The following FRAS1 variants were observed in gnomAD, a reference collection of about 807,000 sequenced individuals.
FRAS1 encodes Fraser extracellular matrix complex subunit 1, also known as extracellular matrix organizing protein FRAS1.
Under a neutral mutation model 435.2 loss-of-function variants are expected in FRAS1, and 290 were observed. The ratio of observed to expected loss-of-function variants is 0.67; its 90% CI spans 0.61 to 0.73. The LOEUF is 0.73. FRAS1 is among the 30% of genes least tolerant of loss of function. The probability of loss-of-function intolerance (pLI) is 0.00; values close to 1 mark genes in which losing one functional copy is unlikely to be tolerated. For missense variants in FRAS1, 4,860 were observed against 5,001.5 expected, an observed-to-expected ratio of 0.97 and a Z score of 0.85; for synonymous variants, 1,800 against 1,851.0, an observed-to-expected ratio of 0.97 and a Z score of 0.71.
rs1412726455 is a variant in FRAS1 at position 78,267,249 on chromosome 4, C to G, written c.798C>G (p.Ser266Arg). 3.7e-6 allele frequency: 6 copies of G among 1,613,438 alleles called. No homozygotes were observed. Among genetic ancestry groups the G allele is most frequent in the Non-Finnish European group, 5.1e-6 (6 of 1,179,692 alleles). ...TCCTCTCTGTGTCCTAGGGTCAGAG[C>G]AGGGCTCGGCGTCATGGGCAATGCT... The part of the protein sequence containing the change: ...CLPLRCGKGQ[S>R]RARRHGQCCE... Residue 266 changes from serine (S) to arginine (R), a missense_variant, in exon 9 of 74, where the codon AGC becomes AGG. Coordinates refer to ENST00000512123, the MANE Select transcript of FRAS1 (RefSeq NM_025074.7).
chr4:78,202,648 G>A (rs557728371), intron 2 of FRAS1, among the ~76,000 whole-genome samples: 80 of 152,266 alleles, frequency 5.3e-4, no homozygotes, highest in African/African-American at 1.8e-3. Flanking sequence ...CCAAGATGGT[G>A]CCACTGTACT....
intron 2 of FRAS1, among the ~76,000 whole-genome samples, chr4:78,171,699 T>C (rs1400127448): frequency 6.6e-6 from 1 of 152,166 alleles, no homozygotes; most frequent in South Asian, 2.1e-4. Flanking sequence ...CTGGAAAAAA[T>C]AAAATTAGCA....
intron 2 of FRAS1, among the ~76,000 whole-genome samples, chr4:78,219,676 G>C (rs936854977): frequency 6.6e-6 from 1 of 152,172 alleles, no homozygotes; most frequent in African/African-American, 2.4e-5. Context: ...AGAAGGTTGA[G>C]TTTTCTCCAG....
Position 78,369,995 on chromosome 4 carries a change from TC to T in FRAS1, c.2869+13del, listed in dbSNP as rs1421610592. The T allele has an allele frequency of 6.2e-7, 1 of 1,610,586 alleles. No individual in the cohort carries two copies. Among genetic ancestry groups the T allele is most frequent in the Non-Finnish European group, 8.5e-7 (1 of 1,178,114 alleles). On this transcript the variant is annotated intron_variant, in intron 23 of 73. Coordinates refer to ENST00000512123, the MANE Select transcript of FRAS1 (RefSeq NM_025074.7). ...CCAACACGTGCAAAGGTAAAGCTCTTCCTGAATTGTGTAAAGATTCTTTTAC... is the reference window on the plus strand; with the variant it reads ...CCAACACGTGCAAAGGTAAAGCTCTTCTGAATTGTGTAAAGATTCTTTTAC...
At chr4:78,227,919 C>G (rs1724343411) in intron 2 of FRAS1, among the ~76,000 whole-genome samples, 1 of 152,240 alleles carries the variant, frequency 6.6e-6, no homozygotes, top group South Asian at 2.1e-4. Context: ...AGAATATATG[C>G]CCATCTATCC....
intron 2 of FRAS1, among the ~76,000 whole-genome samples, chr4:78,126,411 C>G (rs980681320): frequency 6.6e-6 from 1 of 152,242 alleles, no homozygotes; most frequent in African/African-American, 2.4e-5. Flanking sequence ...GCTGCACCCA[C>G]TGTCCAACTA....
intron 2 of FRAS1, among the ~76,000 whole-genome samples, chr4:78,078,567 GA>G (rs1740757885): frequency 6.6e-6 from 1 of 151,894 alleles, no homozygotes; most frequent in Admixed American, 6.6e-5. Context: ...AAACTAAAAA[GA>G]AAAAATAAAG....
intron 2 of FRAS1, among the ~76,000 whole-genome samples, chr4:78,194,493 ACTTCT>A (rs1722706255): frequency 6.6e-6 from 1 of 151,826 alleles, no homozygotes; most frequent in African/African-American, 2.4e-5. Context: ...TTTTCTCTAA[ACTTCT>A]CTTCTCGCTT....
intron 2 of FRAS1, among the ~76,000 whole-genome samples, chr4:78,067,753 C>A (rs1168156389): frequency 6.8e-6 from 1 of 147,808 alleles, no homozygotes; most frequent in Non-Finnish European, 1.5e-5. Context: ...GGCTGGAGTG[C>A]AGGGATCTTG....
At chr4:78,330,556 A>G (rs143279867) in intron 18 of FRAS1, among the ~76,000 whole-genome samples, 159 of 152,236 alleles carry the variant, frequency 1.0e-3, no homozygotes, top group African/African-American at 3.6e-3. Context: ...TCAGCAAGGA[A>G]CATCCCTGGG....
Position 78,337,774 on chromosome 4 carries a change from C to T in FRAS1, c.2379C>T (p.Ser793=), listed in dbSNP as rs368659218. The change falls in exon 20 of 74, where the codon AGC becomes AGT. Residue 793 remains serine, a synonymous_variant. Transcript: ENST00000512123. ...ISLTNGNCRT[S]CREEQFLNLV... Reference sequence around the variant, plus strand: ...TTACCAATGGTAACTGCAGGACCAGCTGCAGGGAAGAGCAGTTCCTCAACC... The same window carrying T: ...TTACCAATGGTAACTGCAGGACCAGTTGCAGGGAAGAGCAGTTCCTCAACC... 6.2e-7 allele frequency: 1 copy of T among 1,613,830 alleles called. No individual in the cohort carries two copies. Among genetic ancestry groups the T allele is most frequent in the Non-Finnish European group, 8.5e-7 (1 of 1,179,882 alleles).
intron 2 of FRAS1, among the ~76,000 whole-genome samples, chr4:78,104,293 T>A (rs1033132426): frequency 6.6e-6 from 1 of 152,248 alleles, no homozygotes; most frequent in Non-Finnish European, 1.5e-5. Context: ...AATGTTAACA[T>A]GTTTGCTCCA....
intron 2 of FRAS1, among the ~76,000 whole-genome samples, chr4:78,215,918 G>T (rs144224000): frequency 0.014 from 2,206 of 152,326 alleles, 27 homozygotes; most frequent in Middle Eastern, 0.027. Flanking sequence ...GAATGTGGGT[G>T]TGCATAAAAT....
intron 2 of FRAS1, among the ~76,000 whole-genome samples, chr4:78,202,246 A>G (rs1306255265): frequency 6.6e-6 from 1 of 152,214 alleles, no homozygotes; most frequent in Non-Finnish European, 1.5e-5. Context: ...TACCTGGCTC[A>G]TGAGTGGATT....
chr4:78,539,770 G>C (rs924820291), intron 73 of FRAS1, among the ~76,000 whole-genome samples: 3 of 152,050 alleles, frequency 2.0e-5, no homozygotes, highest in African/African-American at 7.2e-5. Context: ...GATTTTCACG[G>C]ACATATGAAA....
chr4:78,380,127 C>T, intron 27 of FRAS1, 131 bp downstream of exon 27: 1 of 934,762 alleles, frequency 1.1e-6, no homozygotes, highest in Non-Finnish European at 1.6e-6. Flanking sequence ...ACTCCACAAG[C>T]CCAAATACTC....
In FRAS1 at chr4:78,337,717, T is replaced by C. The variant is rs1730226812; in HGVS notation, c.2322T>C (p.Ser774=). The part of the protein sequence containing the change: ...TCRQCHGPLE[S]DCISCYPHIS... ...GGCAGTGTCATGGGCCGTTGGAGTC[T>C]GACTGCATCTCCTGTTACCCTCACA... The change falls in exon 20 of 74, where the codon TCT becomes TCC. Residue 774 remains serine, a synonymous_variant. Coordinates refer to ENST00000512123, the MANE Select transcript of FRAS1 (RefSeq NM_025074.7). The C allele has an allele frequency of 6.2e-7, 1 of 1,614,022 alleles. No homozygotes were observed. The highest frequency in any genetic ancestry group is 8.5e-7 in the Non-Finnish European group (1 of 1,179,868).
At position 78,466,715 on chromosome 4, in the gene FRAS1, TGTTA is replaced by T. The variant is rs534097622; in HGVS notation, c.7257+283_7257+286del. On this transcript the variant is annotated intron_variant, in intron 50 of 73. Coordinates refer to ENST00000512123, the MANE Select transcript of FRAS1 (RefSeq NM_025074.7). ...CTCAATAAATGGTGATAGTTCTTGTTGTTAGTATTACTGTTATTTCTTTTTTCTT... is the reference window on the plus strand; with the variant it reads ...CTCAATAAATGGTGATAGTTCTTGTTGTATTACTGTTATTTCTTTTTTCTT... Among the ~76,000 whole-genome samples, 277 of 152,318 alleles carry T rather than the reference TGTTA, an allele frequency of 1.8e-3. 2 individuals are homozygous for T. Among genetic ancestry groups the T allele is most frequent in the African/African-American group, 6.2e-3 (256 of 41,566 alleles).
chr4:78,289,213 CT>C (rs1727763980), intron 14 of FRAS1, among the ~76,000 whole-genome samples: 1 of 150,690 alleles, frequency 6.6e-6, no homozygotes, highest in Non-Finnish European at 1.5e-5. Flanking sequence ...TTAGTCCTGC[CT>C]GAGAATCTTA....
Sources: gnomAD v4.1 joint callset for allele counts (sites outside exome capture counted in the v4.1 genomes callset) on GRCh38, gnomAD v4.1.1 for gene constraint, MANE v1.5 for transcripts, NCBI Gene and HGNC (gene_info 2026-07-23, HGNC 2026-07-21) for gene names.